The following CCBE1 variants were observed in gnomAD, a reference collection of about 807,000 sequenced individuals.
CCBE1 encodes collagen and calcium binding EGF domains 1.
In CCBE1, 37 loss-of-function variants were observed where a neutral mutation model predicts 50.0. The observed-to-expected ratio is 0.74, with a 90% CI of 0.57 to 0.97. The LOEUF (loss-of-function observed/expected upper bound fraction) is 0.97. Ranked by LOEUF, CCBE1 falls within the 50% of genes least tolerant of loss-of-function variation. The pLI is 0.00. For synonymous variants in CCBE1, 234 were observed against 203.7 expected (o/e 1.15, Z -1.27); for missense variants, 538 against 523.8 (o/e 1.03, Z -0.26).
intron 2 of CCBE1, among the ~76,000 whole-genome samples, chr18:59,639,768 T>C (rs2053961018): frequency 6.6e-6 from 1 of 152,230 alleles, no homozygotes; most frequent in Non-Finnish European, 1.5e-5. Flanking sequence ...AAAAGCTCTT[T>C]GATCTGATAA....
intron 2 of CCBE1, among the ~76,000 whole-genome samples, chr18:59,561,597 A>G (rs1414041127): frequency 1.3e-5 from 2 of 152,174 alleles, no homozygotes; most frequent in African/African-American, 4.8e-5. Context: ...CCCTGCTGAC[A>G]CTGTACAGGT....
chr18:59,525,784 G>C (rs1413568376), intron 2 of CCBE1, among the ~76,000 whole-genome samples: 2 of 152,068 alleles, frequency 1.3e-5, no homozygotes, highest in Non-Finnish European at 2.9e-5. Flanking sequence ...TGTAATGAAG[G>C]GGTCCAGTTT....
intron 2 of CCBE1, among the ~76,000 whole-genome samples, chr18:59,534,677 T>C (rs938848451): frequency 5.3e-5 from 8 of 152,176 alleles, no homozygotes; most frequent in African/African-American, 1.9e-4. Context: ...CAGCAGGCTG[T>C]GTTTTCACAA....
At chr18:59,623,595 A>G (rs2053740381) in intron 2 of CCBE1, among the ~76,000 whole-genome samples, 1 of 152,196 alleles carries the variant, frequency 6.6e-6, no homozygotes, top group South Asian at 2.1e-4. Context: ...GTAATAATCA[A>G]TGGCCGTGAG....
At chr18:59,643,210 A>T (rs1482453542) in intron 2 of CCBE1, among the ~76,000 whole-genome samples, 1 of 152,042 alleles carries the variant, frequency 6.6e-6, no homozygotes, top group Non-Finnish European at 1.5e-5. Context: ...TATTTATCCC[A>T]ATCTAGTATT....
intron 2 of CCBE1, among the ~76,000 whole-genome samples, chr18:59,555,408 C>T (rs1183994025): frequency 6.6e-6 from 1 of 152,134 alleles, no homozygotes; most frequent in Non-Finnish European, 1.5e-5. Context: ...TGTTTGTGAA[C>T]AGGTGTCATG....
chr18:59,480,757 T>C (rs1326658845), intron 2 of CCBE1, among the ~76,000 whole-genome samples: 1 of 152,040 alleles, frequency 6.6e-6, no homozygotes, highest in Non-Finnish European at 1.5e-5. Flanking sequence ...TGAGTGATTT[T>C]TTTTTTTAAA....
intron 2 of CCBE1, among the ~76,000 whole-genome samples, chr18:59,644,174 C>T (rs778501261): frequency 6.6e-5 from 10 of 152,182 alleles, no homozygotes; most frequent in African/African-American, 9.7e-5. Context: ...CTAGGTCCCT[C>T]GCATGCACTG....
chr18:59,499,352 C>T (rs1913507971), intron 2 of CCBE1, among the ~76,000 whole-genome samples: 1 of 152,020 alleles, frequency 6.6e-6, no homozygotes, highest in African/African-American at 2.4e-5. Flanking sequence ...GGTAGGGGGG[C>T]TTTCTGAAGT....
chr18:59,460,055 C>T (rs1328024590), intron 5 of CCBE1, among the ~76,000 whole-genome samples: 4 of 152,194 alleles, frequency 2.6e-5, no homozygotes, highest in Non-Finnish European at 4.4e-5. Flanking sequence ...CCAACATTTC[C>T]TTAATTTGTC....
intron 2 of CCBE1, among the ~76,000 whole-genome samples, chr18:59,552,592 A>G (rs1915968665): frequency 6.6e-6 from 1 of 152,226 alleles, no homozygotes; most frequent in Non-Finnish European, 1.5e-5. Context: ...AGTATTTCAA[A>G]GTTGGCAATA....
intron 2 of CCBE1, among the ~76,000 whole-genome samples, chr18:59,627,225 TTC>T (rs2053796884): frequency 6.6e-6 from 1 of 152,266 alleles, no homozygotes; most frequent in African/African-American, 2.4e-5. Context: ...ATTGTCCGTA[TTC>T]TGAGTAATTA....
upstream of CCBE1, chr18:59,697,641 G>A (rs1027217978): frequency 1.3e-5 from 5 of 381,450 alleles, no homozygotes; most frequent in Non-Finnish European, 2.4e-5. Flanking sequence ...GTTCACGTCC[G>A]ATTGACAGAC....
At chr18:59,569,148 T>C (rs1161932947) in intron 2 of CCBE1, among the ~76,000 whole-genome samples, 1 of 152,200 alleles carries the variant, frequency 6.6e-6, no homozygotes, top group Non-Finnish European at 1.5e-5. Context: ...ACCCAGCAAG[T>C]CTGGCTCTCC....
chr18:59,691,639 C>T (rs931536769), intron 2 of CCBE1, among the ~76,000 whole-genome samples: 23 of 152,188 alleles, frequency 1.5e-4, no homozygotes, highest in Admixed American at 4.6e-4. Context: ...CTCCTGACCT[C>T]GTGATCTGCC....
chr18:59,696,460 G>C (rs1370929022), intron 2 of CCBE1, 169 bp downstream of exon 2: 6 of 1,482,202 alleles, frequency 4.0e-6, no homozygotes, highest in Admixed American at 2.1e-5. Flanking sequence ...CTCTGACTCC[G>C]ATCCAACCAA....
At chr18:59,496,893 A>T (rs1202525867) in intron 2 of CCBE1, among the ~76,000 whole-genome samples, 5 of 152,238 alleles carry the variant, frequency 3.3e-5, no homozygotes, top group Non-Finnish European at 7.3e-5. Context: ...TATGGTGGTT[A>T]TAGGCAGCTG....
At chr18:59,519,915 T>G (rs770552519) in intron 2 of CCBE1, among the ~76,000 whole-genome samples, 1 of 152,196 alleles carries the variant, frequency 6.6e-6, no homozygotes, top group South Asian at 2.1e-4. Flanking sequence ...TCCAACTCCA[T>G]TTATTAAATA....
intron 2 of CCBE1, among the ~76,000 whole-genome samples, chr18:59,599,040 C>T (rs1368316146): frequency 1.3e-5 from 2 of 152,208 alleles, no homozygotes; most frequent in Non-Finnish European, 2.9e-5. Context: ...GGACACTTTA[C>T]TGCTACTTTT....
Sources: gnomAD v4.1 joint callset for allele counts (sites outside exome capture counted in the v4.1 genomes callset) on GRCh38, gnomAD v4.1.1 for gene constraint, MANE v1.5 for transcripts, NCBI Gene and HGNC (gene_info 2026-07-23, HGNC 2026-07-21) for gene names.